The following PIGN variants were observed in gnomAD, a reference collection of about 807,000 sequenced individuals.
PIGN encodes the protein phosphatidylinositol glycan anchor biosynthesis class N.
In PIGN, 117 loss-of-function variants were observed where a neutral mutation model predicts 125.4. That is an observed-to-expected ratio of 0.93 (90% CI 0.80 to 1.09). The LOEUF is 1.09. Among genes scored for constraint, PIGN ranks in the 50% least tolerant of loss-of-function variants. The probability of loss-of-function intolerance (pLI) is 0.00; values close to 1 mark genes in which losing one functional copy is unlikely to be tolerated. For synonymous variants in PIGN, 392 were observed against 377.8 expected (o/e 1.04, Z -0.44); for missense variants, 1,075 against 1,094.9 (o/e 0.98, Z 0.26).
intron 14 of PIGN, among the ~76,000 whole-genome samples, chr18:62,124,469 G>A (rs916614317): frequency 6.6e-6 from 1 of 152,134 alleles, no homozygotes; most frequent in African/African-American, 2.4e-5. Context: ...CACTAGCAAG[G>A]TAACTAAGGA....
rs896407938 is a variant in PIGN at position 62,145,945 on chromosome 18, C to T, written c.886G>A (p.Val296Ile). ...WGAGIKYPQR[V>I]SAQQFDDAFL... ...GCATCATCAAATTGCTGAGCTGATACTCTTTGGGGATACTTGATTCCAGCT... is the reference window on the plus strand; with the variant it reads ...GCATCATCAAATTGCTGAGCTGATATTCTTTGGGGATACTTGATTCCAGCT... The change falls in exon 10 of 31, where the codon GTA (valine) becomes ATA (isoleucine). Residue 296 changes from valine (V) to isoleucine (I), a missense_variant. By Grantham distance (29) the Val-to-Ile change is conservative. Transcript: ENST00000640252. 1 of 1,606,380 alleles carries T rather than the reference C, an allele frequency of 6.2e-7. No homozygotes were observed.
chr18:62,130,811 T>C (rs1475355632), intron 14 of PIGN, among the ~76,000 whole-genome samples: 1 of 152,150 alleles, frequency 6.6e-6, no homozygotes, highest in Non-Finnish European at 1.5e-5. Context: ...TGTCTATTCC[T>C]TTTTAGAATG....
chr18:62,084,347 CT>C (rs1444165417), intron 27 of PIGN, among the ~76,000 whole-genome samples, 183 bp downstream of exon 27: 1 of 152,174 alleles, frequency 6.6e-6, no homozygotes, highest in Non-Finnish European at 1.5e-5. Context: ...GTCAAATGCA[CT>C]TATGAGTAAA....
chr18:62,098,295 C>T (rs1409853241), intron 22 of PIGN, among the ~76,000 whole-genome samples: 3 of 152,150 alleles, frequency 2.0e-5, no homozygotes, highest in Non-Finnish European at 4.4e-5. Flanking sequence ...AGATGAGTAG[C>T]TTCTGACTTT....
Position 62,106,971 on chromosome 18 carries a change from T to C in PIGN, c.1674+15A>G, listed in dbSNP as rs1444373094. On this transcript the variant is annotated intron_variant, in intron 18 of 30. Transcript: ENST00000640252. The stretch of plus-strand genomic sequence containing the variant: ...AAAGAAATTTGCAAATGTTGTAATC[T>C]GGTAAGTTACTTACTAATACTTCAA... 1.3e-6 allele frequency: 2 copies of C among 1,554,846 alleles called. No homozygotes were observed. Among genetic ancestry groups the C allele is most frequent in the Non-Finnish European group, 8.7e-7 (1 of 1,142,942 alleles).
intron 14 of PIGN, among the ~76,000 whole-genome samples, chr18:62,119,314 C>A (rs1324483747): frequency 6.6e-6 from 1 of 151,724 alleles, no homozygotes; most frequent in African/African-American, 2.4e-5. Flanking sequence ...GAAACAAACT[C>A]ACAAATGGTT....
chr18:62,160,425 T>C (rs981877065), intron 4 of PIGN, among the ~76,000 whole-genome samples: 2 of 152,220 alleles, frequency 1.3e-5, no homozygotes, highest in African/African-American at 2.4e-5. Context: ...GTGTTTTAAT[T>C]TGAAGTCTAT....
intron 17 of PIGN, among the ~76,000 whole-genome samples, chr18:62,107,962 G>C (rs190698770): frequency 6.6e-6 from 1 of 152,172 alleles, no homozygotes; most frequent in African/African-American, 2.4e-5. Context: ...TTACATACTT[G>C]AGTACTTTTT....
chr18:62,150,130 C>G (rs1340936909), intron 7 of PIGN, among the ~76,000 whole-genome samples: 1 of 152,102 alleles, frequency 6.6e-6, no homozygotes, highest in East Asian at 1.9e-4. Context: ...TTCAGACATG[C>G]ACCACCATGC....
chr18:62,137,154 G>C, intron 14 of PIGN: 1 of 398,630 alleles, frequency 2.5e-6, no homozygotes, highest in Non-Finnish European at 4.4e-6. Context: ...GAGCAGACTT[G>C]CTGAGTTTTC....
intron 1 of PIGN, among the ~76,000 whole-genome samples, chr18:62,185,463 A>G (rs530581435): frequency 6.6e-6 from 1 of 152,304 alleles, no homozygotes; most frequent in African/African-American, 2.4e-5. Flanking sequence ...CCAAATCCCC[A>G]TTCAAATGAA....
chr18:62,038,308 GTTTTTTTT>G (rs34436733), downstream of PIGN, among the ~76,000 whole-genome samples: 11 of 120,096 alleles, frequency 9.2e-5, no homozygotes, highest in East Asian at 2.7e-4. Context: ...CCCCCTCCGT[GTTTTTTTT>G]TTTTTTTTTT....
At chr18:62,153,713 A>G (rs2036619818) in intron 7 of PIGN, 2 of 152,196 alleles carry the variant, frequency 1.3e-5, no homozygotes, top group African/African-American at 4.8e-5. Flanking sequence ...AGGGTTTAGC[A>G]ATGAATTTTA....
At chr18:62,039,050 G>T (rs1287143832), downstream of PIGN, among the ~76,000 whole-genome samples, 1 of 151,826 alleles carries the variant, frequency 6.6e-6, no homozygotes, top group Non-Finnish European at 1.5e-5. Context: ...TTACAGGAGT[G>T]AAAGAGCAGA....
chr18:62,066,428 G>A (rs889194650), intron 30 of PIGN, among the ~76,000 whole-genome samples: 7 of 152,174 alleles, frequency 4.6e-5, no homozygotes, highest in African/African-American at 1.7e-4. Flanking sequence ...GTGTTACGAG[G>A]AAAATCACAT....
chr18:62,181,056 T>C (rs2037700044), intron 1 of PIGN, among the ~76,000 whole-genome samples: 1 of 152,178 alleles, frequency 6.6e-6, no homozygotes, highest in South Asian at 2.1e-4. Flanking sequence ...CATCAGCTTA[T>C]GTTTTTAACC....
chr18:62,160,211 C>T (rs1227553373), intron 4 of PIGN, among the ~76,000 whole-genome samples: 1 of 152,214 alleles, frequency 6.6e-6, no homozygotes, highest in Non-Finnish European at 1.5e-5. Flanking sequence ...TAAATTTCCT[C>T]TTGAATTCTA....
At chr18:62,172,104 C>A (rs2037363526) in intron 1 of PIGN, among the ~76,000 whole-genome samples, 1 of 152,036 alleles carries the variant, frequency 6.6e-6, no homozygotes. Flanking sequence ...GGTTTTCAAC[C>A]ATATATCCAA....
chr18:62,164,439 T>TTAAA (rs2037060584), intron 1 of PIGN, among the ~76,000 whole-genome samples: 1 of 152,144 alleles, frequency 6.6e-6, no homozygotes, highest in African/African-American at 2.4e-5. Flanking sequence ...CTCAGAAAAC[T>TTAAA]TAAATCATGG....
Sources: gnomAD v4.1 joint callset for allele counts (sites outside exome capture counted in the v4.1 genomes callset) on GRCh38, gnomAD v4.1.1 for gene constraint, MANE v1.5 for transcripts, NCBI Gene and HGNC (gene_info 2026-07-23, HGNC 2026-07-21) for gene names.